The following ZNF704 variants were observed in gnomAD, a reference collection of about 807,000 sequenced individuals.
ZNF704 encodes the protein glucocorticoid induced gene 1.
Under a neutral mutation model 44.7 loss-of-function variants are expected in ZNF704, and 10 were observed. The ratio of observed to expected loss-of-function variants is 0.22; its 90% confidence interval spans 0.14 to 0.38. ZNF704 has a LOEUF of 0.38. ZNF704 is among the 10% of genes least tolerant of loss of function. ZNF704 has a pLI of 1.00. For synonymous variants in ZNF704, 211 were observed against 207.6 expected, an observed-to-expected ratio of 1.02 and a Z score of -0.14; for missense variants, 390 against 545.5, an observed-to-expected ratio of 0.71 and a Z score of 2.84.
At chr8:80,717,109 G>A (rs1401021376) in intron 2 of ZNF704, among the ~76,000 whole-genome samples, 1 of 152,204 alleles carries the variant, frequency 6.6e-6, no homozygotes, top group Admixed American at 6.5e-5. Context: ...CCTTGGCAGG[G>A]AAAGATTTAA....
In ZNF704 at chr8:80,723,233, TAA is replaced by T. The variant is rs1162970424; in HGVS notation, c.222-30128_222-30127del. ...AATTTTAAAAGCTCCTCAATCTCAT[TAA>T]GTCATGGTTTTAAGACAATTTTATT... On this transcript the variant is annotated intron_variant, in intron 2 of 8. Coordinates refer to ENST00000327835, the MANE Select transcript of ZNF704 (RefSeq NM_001033723.3). Among the ~76,000 whole-genome samples the T allele has an allele frequency of 5.3e-5, 8 of 152,326 alleles. No homozygotes were observed. In the East Asian group the frequency reaches 7.7e-4, roughly 15 times the overall value.
At chr8:80,845,475 C>G (rs1361397764) in intron 1 of ZNF704, among the ~76,000 whole-genome samples, 1 of 152,214 alleles carries the variant, frequency 6.6e-6, no homozygotes, top group African/African-American at 2.4e-5. Context: ...CTCCAGTATT[C>G]TGCATCCCTC....
intron 2 of ZNF704, among the ~76,000 whole-genome samples, chr8:80,747,785 C>T (rs962926632): frequency 6.6e-6 from 1 of 152,162 alleles, no homozygotes; most frequent in African/African-American, 2.4e-5. Flanking sequence ...GGTGCTATCT[C>T]GGCTCACTAC....
Position 80,636,999 on chromosome 8 carries a change from A to AATT in ZNF704, c.*4364_*4366dup, listed in dbSNP as rs1817673179. The AATT allele has an allele frequency of 6.6e-6, 1 of 152,188 alleles. No homozygotes were observed. The highest frequency in any genetic ancestry group is 1.5e-5 in the Non-Finnish European group (1 of 68,048). The allele number at this position is 152,188 out of a possible 1,614,324, so 9.4% of individuals were successfully genotyped here. A position where few individuals can be genotyped will look rare whatever the true frequency, so the allele number is the denominator to read the frequency against. On this transcript the variant is annotated 3_prime_UTR_variant, in exon 9 of 9. Transcript: ENST00000327835. ...AGGACCAGCAAGGCTTTGTATTCAC[A>AATT]ATTACATTCAGAAAAAGCCTTACGT...
chr8:80,754,762 C>A (rs781659476), intron 2 of ZNF704, among the ~76,000 whole-genome samples: 1 of 152,202 alleles, frequency 6.6e-6, no homozygotes, highest in Non-Finnish European at 1.5e-5. Flanking sequence ...GGAAAGTGAG[C>A]AGAAGTGACA....
intron 7 of ZNF704, among the ~76,000 whole-genome samples, chr8:80,657,751 T>A (rs2131603267): frequency 6.6e-6 from 1 of 151,994 alleles, no homozygotes; most frequent in East Asian, 1.9e-4. Context: ...TTAACCCAGC[T>A]ATGGTATGTT....
intron 2 of ZNF704, among the ~76,000 whole-genome samples, chr8:80,799,465 T>C (rs1385461423): frequency 1.3e-5 from 2 of 152,136 alleles, no homozygotes; most frequent in African/African-American, 2.4e-5. Flanking sequence ...GTTTGACTGA[T>C]ACAAGTGCCC....
intron 2 of ZNF704, among the ~76,000 whole-genome samples, chr8:80,818,217 A>G (rs1362318265): frequency 6.6e-6 from 1 of 152,232 alleles, no homozygotes; most frequent in African/African-American, 2.4e-5. Flanking sequence ...TAATGAGAAT[A>G]AGCAAAAGAT....
At chr8:80,736,808 G>A (rs1806674603) in intron 2 of ZNF704, among the ~76,000 whole-genome samples, 1 of 152,090 alleles carries the variant, frequency 6.6e-6, no homozygotes, top group African/African-American at 2.4e-5. Context: ...ACTTATTCAT[G>A]TAATCAAACA....
rs186651108 is a variant in ZNF704 at position 80,813,751 on chromosome 8, C to T, written c.221+7623G>A. On this transcript the variant is annotated intron_variant, in intron 2 of 8. Coordinates refer to ENST00000327835, the MANE Select transcript of ZNF704 (RefSeq NM_001033723.3). The stretch of plus-strand genomic sequence containing the variant: ...AAAATTAGCCAGGCGTGGTGGTGGG[C>T]GCCTGTAGTCCCAGCTACTCAGGAG... Among the ~76,000 whole-genome samples, 720 of 152,000 alleles carry T rather than the reference C, an allele frequency of 4.7e-3. 8 individuals are homozygous for T. Among genetic ancestry groups the T allele is most frequent in the African/African-American group, 0.017 (690 of 41,458 alleles).
At chr8:80,780,735 G>A (rs530575838) in intron 2 of ZNF704, among the ~76,000 whole-genome samples, 4 of 152,182 alleles carry the variant, frequency 2.6e-5, no homozygotes, top group African/African-American at 7.2e-5. Flanking sequence ...AGTCAAGAGC[G>A]CTGACAGCCA....
At chr8:80,719,121 A>T (rs1347137318) in intron 2 of ZNF704, among the ~76,000 whole-genome samples, 2 of 152,026 alleles carry the variant, frequency 1.3e-5, no homozygotes, top group African/African-American at 4.8e-5. Context: ...ACGTGCCACC[A>T]TGACCAGCTA....
chr8:80,793,482 TATTA>T (rs1163809590), intron 2 of ZNF704, among the ~76,000 whole-genome samples: 16 of 152,096 alleles, frequency 1.1e-4, no homozygotes, highest in African/African-American at 2.2e-4. Flanking sequence ...ATTCATAATA[TATTA>T]ATTATTATAT....
intron 2 of ZNF704, among the ~76,000 whole-genome samples, chr8:80,782,753 C>T (rs989705129): frequency 3.9e-5 from 6 of 152,102 alleles, no homozygotes; most frequent in African/African-American, 1.4e-4. Context: ...GAAGTACAGT[C>T]GCTGCTTGGT....
chr8:80,796,964 AAAGGGAGG>A lies in ZNF704; in HGVS notation c.221+24402_221+24409del, dbSNP rs1159128261. ...AAAGAAGGGAGGGAGGGAGAGAAGG[AAAGGGAGG>A]GAGGGAGGGAGGGAGGGAGGAAGGA... is the stretch of plus-strand genomic sequence containing the variant. On this transcript the variant is annotated intron_variant, in intron 2 of 8. Coordinates refer to ENST00000327835, the MANE Select transcript of ZNF704 (RefSeq NM_001033723.3). Among the ~76,000 whole-genome samples, 4 of 110,022 alleles carry A rather than the reference AAAGGGAGG, an allele frequency of 3.6e-5. No individual in the cohort carries two copies. In the East Asian group the frequency reaches 1.1e-3, roughly 31 times the overall value. The allele number at this position is 110,022 out of a possible 152,430, so 72.2% of individuals were successfully genotyped here.
In ZNF704 at chr8:80,687,362, T is replaced by C. The variant is rs1237325028; in HGVS notation, c.422A>G (p.Asn141Ser). 6.2e-7 allele frequency: 1 copy of C among 1,607,926 alleles called. No individual in the cohort carries two copies. The highest frequency in any genetic ancestry group is 1.3e-5 in the African/African-American group (1 of 74,910). The change falls in exon 4 of 9, where the codon AAC becomes AGC. Residue 141 changes from asparagine to serine, a missense_variant. Transcript: ENST00000327835. ...WSWSAPSDQS[N>S]PSTPSPPLSA... ...GAGCGGCGGCGACGGCGTGGACGGG[T>C]TGGACTGGTCGCTGGGGGCGCTCCA... is the stretch of plus-strand genomic sequence containing the variant.
intron 2 of ZNF704, among the ~76,000 whole-genome samples, chr8:80,736,250 C>T (rs750546140): frequency 3.3e-5 from 5 of 152,112 alleles, no homozygotes; most frequent in East Asian, 1.9e-4. Flanking sequence ...GTTCAGAAGC[C>T]GGAATGTTGG....
At chr8:80,709,371 G>C (rs1346941710) in intron 2 of ZNF704, among the ~76,000 whole-genome samples, 1 of 146,580 alleles carries the variant, frequency 6.8e-6, no homozygotes, top group African/African-American at 2.5e-5. Context: ...GTGAACCTGG[G>C]AGGCGGAGAT....
In ZNF704 at chr8:80,874,637, C is replaced by T. The variant is rs982527728; in HGVS notation, c.-88G>A. ...TGACACCAGGGCAAACGCTTAACCG[C>T]AGCCCATTCTTCCCTCCGGAGGGAG... On this transcript the variant is annotated 5_prime_UTR_variant, in exon 1 of 9. Coordinates refer to ENST00000327835, the MANE Select transcript of ZNF704 (RefSeq NM_001033723.3). The surrounding 1 kb of genome is among the most constrained non-coding windows in gnomAD (Gnocchi z 4.4). The T allele has an allele frequency of 3.3e-5, 5 of 150,156 alleles. No individual in the cohort carries two copies. Among genetic ancestry groups the T allele is most frequent in the Admixed American group, 2.6e-4 (4 of 15,172 alleles). The allele number at this position is 150,156 out of a possible 1,614,324, so 9.3% of individuals were successfully genotyped here.
Sources: allele counts gnomAD v4.1 joint callset (sites outside exome capture counted in the v4.1 genomes callset), GRCh38; gene constraint gnomAD v4.1.1; non-coding constraint Gnocchi (gnomAD v3.1); transcripts MANE v1.5; gene names NCBI Gene and HGNC (gene_info 2026-07-23, HGNC 2026-07-21).